GREM2: variants seen among roughly 807,000 people sequenced by gnomAD.
The protein encoded by GREM2 is gremlin-2.
GREM2 carries 11 observed loss-of-function variants against 14.2 expected under a neutral mutation model. The observed-to-expected ratio is 0.78, with a 90% CI of 0.49 to 1.28. GREM2 has a LOEUF of 1.28. Among genes scored for constraint, GREM2 ranks in the 50% most tolerant of loss-of-function variants. The pLI is 0.00. For missense variants in GREM2, 210 were observed against 218.5 expected (o/e 0.96, Z 0.24); for synonymous variants, 98 against 97.6 (o/e 1.00, Z -0.02).
chr1:240,607,340 T>G (rs188632491), intron 1 of GREM2, among the ~76,000 whole-genome samples: 1 of 152,058 alleles, frequency 6.6e-6, no homozygotes, highest in African/African-American at 2.4e-5. Flanking sequence ...TTTTTTTTCA[T>G]AATTACTAGA....
At position 240,553,747 on chromosome 1, in the gene GREM2, A is replaced by G. The variant is rs146439763; in HGVS notation, c.-2+58137T>C. 2.7e-3 allele frequency among the ~76,000 whole-genome samples: 419 copies of G among 152,376 alleles called. 5 individuals are homozygous for G. The highest frequency in any genetic ancestry group is 0.024 in the Admixed American group (363 of 15,306). On this transcript the variant is annotated intron_variant, in intron 1 of 1. Coordinates refer to ENST00000318160, the MANE Select transcript of GREM2 (RefSeq NM_022469.4). Reference sequence around the variant, plus strand: ...TCCAAAGCAGAATTCATATTCCTCAATGGATAACATCTGAACTCTTATCTT... The same window carrying G: ...TCCAAAGCAGAATTCATATTCCTCAGTGGATAACATCTGAACTCTTATCTT...
rs28603362 is a variant in GREM2 at position 240,581,401 on chromosome 1, T to C, written c.-2+30483A>G. 7.2e-3 allele frequency among the ~76,000 whole-genome samples: 1,101 copies of C among 152,290 alleles called. 18 individuals are homozygous for C. The highest frequency in any genetic ancestry group is 0.025 in the African/African-American group (1,053 of 41,574). ...AAATCAACTACTGGTACTCATCTTA[T>C]ATGGTTGTTATGAAGGTTAGCAGGG... On this transcript the variant is annotated intron_variant, in intron 1 of 1. Transcript: ENST00000318160.
chr1:240,581,942 A>C (rs932369145), intron 1 of GREM2, among the ~76,000 whole-genome samples: 4 of 152,244 alleles, frequency 2.6e-5, no homozygotes, highest in Admixed American at 2.6e-4. Context: ...CTGCAAGGCA[A>C]TTCTGTAATA....
intron 1 of GREM2, among the ~76,000 whole-genome samples, chr1:240,611,282 G>A (rs1171199886): frequency 1.3e-5 from 2 of 152,160 alleles, no homozygotes; most frequent in Non-Finnish European, 1.5e-5. Flanking sequence ...GTAGAAATAA[G>A]TCAGGTACAC....
chr1:240,518,571 G>A lies in GREM2; in HGVS notation c.-1-25095C>T, dbSNP rs2103299812. On this transcript the variant is annotated intron_variant, in intron 1 of 1. Transcript: ENST00000318160. The stretch of plus-strand genomic sequence containing the variant: ...TTCTTCTCATGTCTGAAAGTCAAGA[G>A]TTAACAACTGACATCTAAGAGTTTC... 1.3e-5 allele frequency among the ~76,000 whole-genome samples: 2 copies of A among 152,234 alleles called. 1 individual carries two copies. Among genetic ancestry groups the A allele is most frequent in the Middle Eastern group, 6.8e-3 (2 of 294 alleles).
intron 1 of GREM2, among the ~76,000 whole-genome samples, chr1:240,521,592 G>T (rs115066043): frequency 1.3e-5 from 2 of 151,868 alleles, no homozygotes; most frequent in East Asian, 1.9e-4. Flanking sequence ...AAAAAACAAA[G>T]AAACAGGAAA....
At position 240,574,711 on chromosome 1, in the gene GREM2, G is replaced by A. The variant is rs115644878; in HGVS notation, c.-2+37173C>T. 2.5e-3 allele frequency among the ~76,000 whole-genome samples: 382 copies of A among 152,282 alleles called. 4 individuals are homozygous for A. Among genetic ancestry groups the A allele is most frequent in the African/African-American group, 8.8e-3 (366 of 41,552 alleles). On this transcript the variant is annotated intron_variant, in intron 1 of 1. Coordinates refer to ENST00000318160, the MANE Select transcript of GREM2 (RefSeq NM_022469.4). ...AAAATGAGTGGATGATTTTGGAACA[G>A]TCTTGGTGATCAGTATGGCCTGTAG...
intron 1 of GREM2, among the ~76,000 whole-genome samples, chr1:240,548,237 T>G (rs1158232738): frequency 6.6e-6 from 1 of 152,104 alleles, no homozygotes; most frequent in Non-Finnish European, 1.5e-5. Context: ...ATTGTGCCAC[T>G]GCACTCCAGC....
intron 1 of GREM2, among the ~76,000 whole-genome samples, chr1:240,523,698 C>T (rs751486145): frequency 1.4e-4 from 22 of 152,114 alleles, no homozygotes; most frequent in South Asian, 1.2e-3. Context: ...TTTGCCACTA[C>T]GTGCAGGATT....
At chr1:240,591,529 T>G (rs1217431602) in intron 1 of GREM2, among the ~76,000 whole-genome samples, 1 of 152,210 alleles carries the variant, frequency 6.6e-6, no homozygotes, top group Non-Finnish European at 1.5e-5. Context: ...TAGTCGACGC[T>G]CACGTTTTGG....
intron 1 of GREM2, among the ~76,000 whole-genome samples, chr1:240,593,753 C>T (rs1679758254): frequency 6.6e-6 from 1 of 151,998 alleles, no homozygotes; most frequent in South Asian, 2.1e-4. Flanking sequence ...CGTGATTGTT[C>T]TCAGTGTCTA....
intron 1 of GREM2, among the ~76,000 whole-genome samples, chr1:240,512,201 T>A (rs1038847759): frequency 6.6e-6 from 1 of 152,010 alleles, no homozygotes; most frequent in African/African-American, 2.4e-5. Flanking sequence ...TCAAGAAAAA[T>A]ACAAGAGAAG....
intron 1 of GREM2, among the ~76,000 whole-genome samples, chr1:240,577,971 T>C (rs184977125): frequency 6.6e-6 from 1 of 152,288 alleles, no homozygotes; most frequent in Admixed American, 6.5e-5. Flanking sequence ...TCCTTGTAGA[T>C]ATGTAGCAAT....
chr1:240,609,833 A>G (rs1025208493), intron 1 of GREM2, among the ~76,000 whole-genome samples: 1 of 152,194 alleles, frequency 6.6e-6, no homozygotes, highest in African/African-American at 2.4e-5. Context: ...TTAGAAAAAG[A>G]GATGTTTACT....
chr1:240,530,751 C>T (rs193215291), intron 1 of GREM2: 2 of 152,272 alleles, frequency 1.3e-5, no homozygotes, highest in East Asian at 1.9e-4. Flanking sequence ...CTATGCTAGC[C>T]ACGTATGAAG....
chr1:240,551,818 G>A (rs969246265), intron 1 of GREM2, among the ~76,000 whole-genome samples: 18 of 152,128 alleles, frequency 1.2e-4, no homozygotes, highest in Non-Finnish European at 2.9e-5. Context: ...ACAAAAATGT[G>A]TTGAATTAAT....
intron 1 of GREM2, among the ~76,000 whole-genome samples, chr1:240,505,038 T>G (rs1677648872): frequency 6.6e-6 from 1 of 152,114 alleles, no homozygotes; most frequent in South Asian, 2.1e-4. Flanking sequence ...TTCCAATGGT[T>G]TAACACCATT....
At chr1:240,549,759 A>C (rs1047522049) in intron 1 of GREM2, 1 of 152,300 alleles carries the variant, frequency 6.6e-6, no homozygotes, top group Non-Finnish European at 1.5e-5. Context: ...GCAAGGCAGA[A>C]AGGGGAAGGT....
intron 1 of GREM2, among the ~76,000 whole-genome samples, chr1:240,561,359 T>C (rs1238665217): frequency 1.3e-5 from 2 of 152,090 alleles, no homozygotes; most frequent in African/African-American, 2.4e-5. Flanking sequence ...CGTGAAGGAT[T>C]TTGTGTGGTA....
Sources: allele counts gnomAD v4.1 joint callset (sites outside exome capture counted in the v4.1 genomes callset), GRCh38; gene constraint gnomAD v4.1.1; transcripts MANE v1.5; gene names NCBI Gene and HGNC (gene_info 2026-07-23, HGNC 2026-07-21).